The following RREB1 variants were observed in gnomAD, a reference collection of about 807,000 sequenced individuals.
RREB1 encodes ras-responsive element-binding protein 1.
Under a neutral mutation model 117.8 loss-of-function variants are expected in RREB1, and 27 were observed. The observed-to-expected ratio is 0.23, with a 90% CI of 0.17 to 0.32. The LOEUF is 0.32. Among genes scored for constraint, RREB1 ranks in the 10% least tolerant of loss-of-function variants. The pLI, the probability that RREB1 is intolerant of heterozygous loss-of-function variation, is 1.00. For synonymous variants in RREB1, 1,298 were observed against 1,026.7 expected (o/e 1.26, Z -5.05); for missense variants, 2,577 against 2,378.2 (o/e 1.08, Z -1.74).
intron 1 of RREB1, among the ~76,000 whole-genome samples, chr6:7,162,945 G>C (rs956366695): frequency 4.6e-5 from 7 of 151,882 alleles, no homozygotes; most frequent in African/African-American, 1.7e-4. Flanking sequence ...ACCTCCCTGG[G>C]CTCAGGCGAT....
At position 7,229,494 on chromosome 6, in the gene RREB1, C is replaced by G; in HGVS notation, c.1395C>G (p.Ile465Met). Residue 465 changes from isoleucine (I) to methionine (M), a missense_variant, in exon 10 of 13, where the codon ATC becomes ATG. Transcript: ENST00000379938. The surrounding 1 kb of genome is among the most constrained non-coding windows in gnomAD (Gnocchi z 4.5). ...AGCCCATCTCTGGCGAGTCGGCCAT[C>G]GAGCTGGCAGACATCCAGCAAATTC... Reference protein sequence around the residue: ...VVKPISGESAIELADIQQILK... With the variant: ...VVKPISGESAMELADIQQILK... The G allele has an allele frequency of 4.3e-6, 7 of 1,614,168 alleles. No homozygotes were observed. The highest frequency in any genetic ancestry group is 5.9e-6 in the Non-Finnish European group (7 of 1,180,022).
chr6:7,210,701 C>T, intron 6 of RREB1, 103 bp from the exon 7 acceptor site: 1 of 1,000,010 alleles, frequency 1.0e-6, no homozygotes, highest in Non-Finnish European at 1.5e-6. Context: ...TATCTCTTAA[C>T]TAAAGAAAAT....
At chr6:7,242,703 G>GGC (rs1768788029) in intron 11 of RREB1, among the ~76,000 whole-genome samples, 2 of 151,178 alleles carry the variant, frequency 1.3e-5, no homozygotes, top group South Asian at 4.2e-4. Flanking sequence ...AAAAAAAAGG[G>GGC]GGGGGGGGAA....
chr6:7,218,922 T>C (rs1411428530), intron 8 of RREB1: 1 of 151,158 alleles, frequency 6.6e-6, no homozygotes, highest in African/African-American at 2.4e-5. Flanking sequence ...ATAGGCAGAC[T>C]GTGTAGCACA....
rs1260173333 is a variant in RREB1 at position 7,246,994 on chromosome 6, G to A, written c.4544G>A (p.Gly1515Glu). 1.3e-6 allele frequency: 2 copies of A among 1,597,618 alleles called. No individual in the cohort carries two copies. The highest frequency in any genetic ancestry group is 8.5e-7 in the Non-Finnish European group (1 of 1,172,562). Residue 1515 changes from glycine to glutamate, a missense_variant, in exon 12 of 13, where the codon GGG (glycine) becomes GAG (glutamate). Gly to Glu is a moderately conservative substitution (Grantham distance 98, BLOSUM62 -2). Transcript: ENST00000379938. Reference sequence around the variant, plus strand: ...GTGGTGGAGTCGGCCCCGGGTGCCGGGGAGGCCCCGGCGGAAAAGCTCGCG... The same window carrying A: ...GTGGTGGAGTCGGCCCCGGGTGCCGAGGAGGCCCCGGCGGAAAAGCTCGCG... The part of the protein sequence containing the change: ...AEVVESAPGA[G>E]EAPAEKLAEE...
intron 8 of RREB1, 41 bp from the exon 9 acceptor site, chr6:7,226,426 T>G: frequency 6.7e-7 from 1 of 1,491,716 alleles, no homozygotes; most frequent in Non-Finnish European, 9.1e-7. Flanking sequence ...CCTCATATGC[T>G]CTCCCTTTCT....
rs1266865466 is a variant in RREB1 at position 7,181,225 on chromosome 6, A to G, written c.-64A>G. 4 of 398,990 alleles carry G rather than the reference A, an allele frequency of 1.0e-5. No homozygotes were observed. Among genetic ancestry groups the G allele is most frequent in the Non-Finnish European group, 1.8e-5 (4 of 226,360 alleles). 24.7% of individuals were successfully genotyped at this position (398,990 alleles called of 1,614,324 possible). ...ACAGCAGGGGAAAGTTTCATAGTCT[A>G]TCAGTGGGTCAGAAAATGGAGGTAA... On this transcript the variant is annotated 5_prime_UTR_variant, in exon 3 of 13. Coordinates refer to ENST00000379938, the MANE Select transcript of RREB1 (RefSeq NM_001003699.4).
chr6:7,146,346 G>A (rs1042939844), intron 1 of RREB1, among the ~76,000 whole-genome samples: 12 of 152,102 alleles, frequency 7.9e-5, no homozygotes, highest in African/African-American at 2.7e-4. Flanking sequence ...TGGGACCGGG[G>A]GTAGATGGCC....
chr6:7,231,908 G>A lies in RREB1; in HGVS notation c.3808+1G>A. 6.3e-7 allele frequency: 1 copy of A among 1,582,642 alleles called. No homozygotes were observed. The highest frequency in any genetic ancestry group is 8.6e-7 in the Non-Finnish European group (1 of 1,160,072). On this transcript the variant is annotated splice_donor_variant, in intron 10 of 12. Coordinates refer to ENST00000379938, the MANE Select transcript of RREB1 (RefSeq NM_001003699.4). LOFTEE classifies it high-confidence loss of function. ...CAGAGGCACATGCTCACACACACTG[G>A]TAAGAGGGCCACCGGGCTCCCAGGC...
intron 4 of RREB1, among the ~76,000 whole-genome samples, chr6:7,186,256 C>G (rs931762467): frequency 2.6e-5 from 4 of 152,174 alleles, no homozygotes; most frequent in African/African-American, 9.7e-5. Context: ...TCAGCCCTAC[C>G]TCTCCATGAA....
At chr6:7,223,257 T>G (rs1370446507) in intron 8 of RREB1, among the ~76,000 whole-genome samples, 2 of 97,290 alleles carry the variant, frequency 2.1e-5, no homozygotes. Context: ...ACTCTCTTTT[T>G]AAAAAAAAAA....
In RREB1 at chr6:7,230,136, C is replaced by G. The variant is rs1344719929; in HGVS notation, c.2037C>G (p.Ile679Met). 1.9e-6 allele frequency: 3 copies of G among 1,604,814 alleles called. No individual in the cohort carries two copies. In the African/African-American group the frequency reaches 4.0e-5, roughly 21 times the overall value. ...ACCAGTGCAACATCTGCGACTACAT[C>G]GCCGCCGACAAGGCCGCGCTCATCC... ...SPYQCNICDYIAADKAALIRH... is the reference protein window; with the variant it reads ...SPYQCNICDYMAADKAALIRH... Residue 679 changes from isoleucine to methionine, a missense_variant, in exon 10 of 13, where the codon ATC becomes ATG. Transcript: ENST00000379938.
intron 1 of RREB1, among the ~76,000 whole-genome samples, chr6:7,131,053 C>T (rs926415733): frequency 2.0e-5 from 3 of 150,396 alleles, no homozygotes; most frequent in African/African-American, 7.4e-5. Flanking sequence ...ATTCTCCTGC[C>T]TCAGCCTCCG....
rs1769405045 is a variant in RREB1 at position 7,251,462 on chromosome 6, A to G, written c.*2494A>G. 2 of 149,904 alleles carry G rather than the reference A, an allele frequency of 1.3e-5. No homozygotes were observed. The highest frequency in any genetic ancestry group is 3.0e-5 in the Non-Finnish European group (2 of 67,744). The allele number at this position is 149,904 out of a possible 1,614,324, so 9.3% of individuals were successfully genotyped here. ...AATATATATATATGGATCTTCTGAA[A>G]AGTTTTTTGAGGTGCAAGTTTTTTC... On this transcript the variant is annotated 3_prime_UTR_variant, in exon 13 of 13. Coordinates refer to ENST00000379938, the MANE Select transcript of RREB1 (RefSeq NM_001003699.4).
At position 7,249,145 on chromosome 6, in the gene RREB1, C is replaced by G. The variant is rs1383866120; in HGVS notation, c.*177C>G. ...CTGCTCGCTCAGTGCCATAGCCTTA[C>G]CGCAGCCTGCGCGGGAGGCCACAGC... On this transcript the variant is annotated 3_prime_UTR_variant, in exon 13 of 13. Transcript: ENST00000379938. 1.7e-6 allele frequency: 1 copy of G among 585,644 alleles called. No individual in the cohort carries two copies. The highest frequency in any genetic ancestry group is 2.9e-6 in the Non-Finnish European group (1 of 346,516). 36.3% of individuals were successfully genotyped at this position (585,644 alleles called of 1,614,324 possible).
intron 4 of RREB1, among the ~76,000 whole-genome samples, chr6:7,182,373 C>T (rs534840376): frequency 6.6e-5 from 10 of 152,172 alleles, no homozygotes; most frequent in Non-Finnish European, 1.5e-4. Context: ...TGGCAGGGAA[C>T]ATCACTGATT....
rs955363067 is a variant in RREB1, at chr6:7,168,899, A to T, written c.-284-7756A>T. On this transcript the variant is annotated intron_variant, in intron 1 of 12. Transcript: ENST00000379938. ...GCCCTTTAAGAGCTGTGCTATATCT[A>T]GCAAATAACCTAATCATTACCTTAC... Among the ~76,000 whole-genome samples the T allele has an allele frequency of 2.0e-5, 3 of 150,222 alleles. No homozygotes were observed. In the South Asian group the frequency reaches 6.2e-4, roughly 31 times the overall value.
At chr6:7,227,402 G>A (rs760456335) in intron 9 of RREB1, among the ~76,000 whole-genome samples, 7 of 151,826 alleles carry the variant, frequency 4.6e-5, no homozygotes, top group Admixed American at 1.3e-4. Flanking sequence ...TTAGCCAGGC[G>A]TGGTAGCATG....
chr6:7,226,734 C>T, intron 9 of RREB1, 78 bp downstream of exon 9: 3 of 1,095,114 alleles, frequency 2.7e-6, no homozygotes, highest in Non-Finnish European at 4.0e-6. Flanking sequence ...AACTTCCTCT[C>T]CTCAGGGTTT....
Sources: allele counts gnomAD v4.1 joint callset (sites outside exome capture counted in the v4.1 genomes callset), GRCh38; gene constraint gnomAD v4.1.1; non-coding constraint Gnocchi (gnomAD v3.1); transcripts MANE v1.5; gene names NCBI Gene and HGNC (gene_info 2026-07-23, HGNC 2026-07-21).